Variants in SDK1 observed in about 807,000 individuals in gnomAD.
SDK1 encodes sidekick cell adhesion molecule 1.
A neutral mutation model predicts 245.5 loss-of-function variants in SDK1; 157 were observed. The ratio of observed to expected loss-of-function variants is 0.64; its 90% confidence interval spans 0.56 to 0.73. The LOEUF (loss-of-function observed/expected upper bound fraction) is 0.73. Ranked by LOEUF, SDK1 falls within the 30% of genes least tolerant of loss-of-function variation. The pLI is 0.00. For missense variants in SDK1, 3,583 were observed against 3,002.3 expected (o/e 1.19, Z -4.52); for synonymous variants, 1,647 against 1,278.5 (o/e 1.29, Z -6.15).
chr7:4,079,405 C>A, intron 21 of SDK1, 58 bp from the exon 22 acceptor site: 1 of 1,592,996 alleles, frequency 6.3e-7, no homozygotes, highest in Non-Finnish European at 8.6e-7. Flanking sequence ...CGTTTGATAC[C>A]TTTCCTAAGC....
chr7:4,043,190 A>G (rs1285478656), intron 17 of SDK1, among the ~76,000 whole-genome samples: 1 of 151,144 alleles, frequency 6.6e-6, no homozygotes, highest in Non-Finnish European at 1.5e-5. Context: ...GCTCAAGTAG[A>G]GTGAGTGTCA....
chr7:3,587,945 T>C (rs919568300), intron 1 of SDK1, among the ~76,000 whole-genome samples: 3 of 152,262 alleles, frequency 2.0e-5, no homozygotes, highest in Non-Finnish European at 4.4e-5. Flanking sequence ...GGATGGTTCA[T>C]TGATCCAATA....
At chr7:3,718,259 A>G (rs986159226) in intron 4 of SDK1, among the ~76,000 whole-genome samples, 2 of 152,108 alleles carry the variant, frequency 1.3e-5, no homozygotes, top group Non-Finnish European at 2.9e-5. Flanking sequence ...CAGCACTTTC[A>G]AAGGCCGAGA....
chr7:3,874,515 C>T (rs1381559375), intron 5 of SDK1, among the ~76,000 whole-genome samples: 1 of 152,150 alleles, frequency 6.6e-6, no homozygotes, highest in Non-Finnish European at 1.5e-5. Context: ...GTAGTCCTGA[C>T]AAGTGTTCCT....
chr7:4,103,828 C>G (rs1782734452), intron 22 of SDK1, among the ~76,000 whole-genome samples: 2 of 152,206 alleles, frequency 1.3e-5, no homozygotes, highest in Non-Finnish European at 2.9e-5. Context: ...GTGGTGCGCT[C>G]CAGCAGGGCT....
intron 26 of SDK1, 25 bp downstream of exon 26, chr7:4,127,521 C>G (rs983856448): frequency 3.9e-6 from 6 of 1,556,046 alleles, no homozygotes; most frequent in Non-Finnish European, 5.3e-6. Flanking sequence ...GATGACCTCC[C>G]TTTGCTTAAA....
At chr7:3,786,078 T>C (rs1780891424) in intron 4 of SDK1, among the ~76,000 whole-genome samples, 1 of 152,152 alleles carries the variant, frequency 6.6e-6, no homozygotes, top group South Asian at 2.1e-4. Flanking sequence ...TGCAGTGAAA[T>C]AGAGAGAGCG....
intron 17 of SDK1, among the ~76,000 whole-genome samples, chr7:4,020,101 C>T (rs1280390009): frequency 6.6e-6 from 1 of 152,150 alleles, no homozygotes; most frequent in Non-Finnish European, 1.5e-5. Context: ...ACATCTCAGG[C>T]TTGTGACAGT....
At chr7:4,243,391 C>T (rs1786648273) in intron 43 of SDK1, among the ~76,000 whole-genome samples, 1 of 152,236 alleles carries the variant, frequency 6.6e-6, no homozygotes, top group South Asian at 2.1e-4. Context: ...ATCACCTTTT[C>T]AGTCCTAGCA....
chr7:3,687,747 G>A (rs6462231), intron 4 of SDK1, among the ~76,000 whole-genome samples: 126,850 of 152,170 alleles, frequency 0.83, 53,019 homozygotes, highest in Non-Finnish European at 0.86. Flanking sequence ...AGCTGGATGC[G>A]ATCATCAGAA....
chr7:3,777,670 TC>T (rs1780606643), intron 4 of SDK1, among the ~76,000 whole-genome samples: 1 of 152,174 alleles, frequency 6.6e-6, no homozygotes, highest in Non-Finnish European at 1.5e-5. Flanking sequence ...TCACATATTT[TC>T]GATTGACCAC....
intron 28 of SDK1, among the ~76,000 whole-genome samples, chr7:4,142,250 G>A (rs949509738): frequency 5.3e-5 from 8 of 152,048 alleles, no homozygotes; most frequent in Non-Finnish European, 7.4e-5. Context: ...CTCTAGGAAC[G>A]ATATTCAGAT....
intron 31 of SDK1, among the ~76,000 whole-genome samples, chr7:4,159,392 C>T (rs1780974867): frequency 6.6e-6 from 1 of 152,190 alleles, no homozygotes; most frequent in South Asian, 2.1e-4. Flanking sequence ...GGCTTCTCAG[C>T]AACTCACAGA....
chr7:3,783,713 A>C (rs1318985154), intron 4 of SDK1, among the ~76,000 whole-genome samples: 15 of 152,226 alleles, frequency 9.9e-5, no homozygotes. Flanking sequence ...TGAAGATACA[A>C]ATAAATGGAA....
intron 1 of SDK1, among the ~76,000 whole-genome samples, chr7:3,588,467 C>CCCAGCT (rs1780758217): frequency 6.6e-6 from 1 of 152,118 alleles, no homozygotes; most frequent in Non-Finnish European, 1.5e-5. Flanking sequence ...TCTGAAAGCC[C>CCCAGCT]CCAGCTCGAA....
intron 1 of SDK1, among the ~76,000 whole-genome samples, chr7:3,474,936 C>T (rs764209311): frequency 6.6e-6 from 1 of 152,176 alleles, no homozygotes; most frequent in Non-Finnish European, 1.5e-5. Context: ...AAGTGAGCCT[C>T]CTTCCTGGCC....
chr7:4,132,682 T>A (rs897113690), intron 28 of SDK1: 3 of 371,570 alleles, frequency 8.1e-6, no homozygotes, highest in Non-Finnish European at 1.5e-5. Flanking sequence ...GAGCCAAGAT[T>A]GCATCACTGC....
At chr7:3,783,903 T>A (rs1476659333) in intron 4 of SDK1, among the ~76,000 whole-genome samples, 1 of 150,610 alleles carries the variant, frequency 6.6e-6, no homozygotes, top group Non-Finnish European at 1.5e-5. Flanking sequence ...AAGGCAATCA[T>A]GAGCAAAAGA....
At chr7:3,779,938 CAAAAAAAA>C (rs34979965) in intron 4 of SDK1, among the ~76,000 whole-genome samples, 2 of 46,668 alleles carry the variant, frequency 4.3e-5, no homozygotes, top group Admixed American at 2.0e-4. Flanking sequence ...GACTCCGTCT[CAAAAAAAA>C]AAAAAAAAAA....
Sources: gnomAD v4.1 joint callset for allele counts (sites outside exome capture counted in the v4.1 genomes callset) on GRCh38, gnomAD v4.1.1 for gene constraint, MANE v1.5 for transcripts, NCBI Gene and HGNC (gene_info 2026-07-23, HGNC 2026-07-21) for gene names.